The following ARMC9 variants were observed in gnomAD, a reference collection of about 807,000 sequenced individuals.
ARMC9 encodes armadillo repeat containing 9, also known as lisH domain-containing protein ARMC9.
In ARMC9, 94 loss-of-function variants were observed where a neutral mutation model predicts 107.0. The observed-to-expected ratio is 0.88, with a 90% CI of 0.74 to 1.04. The LOEUF is 1.04. ARMC9 is among the 50% of genes least tolerant of loss of function. ARMC9 has a pLI of 0.00. For missense variants in ARMC9, 942 were observed against 1,030.1 expected (o/e 0.91, Z 1.17); for synonymous variants, 380 against 396.9 (o/e 0.96, Z 0.51).
At chr2:231,246,229 A>C (rs1264210834) in intron 9 of ARMC9, among the ~76,000 whole-genome samples, 2 of 152,248 alleles carry the variant, frequency 1.3e-5, no homozygotes, top group East Asian at 3.8e-4. Flanking sequence ...TTTTAGGCTC[A>C]GCAGGTACAT....
chr2:231,220,583 C>T (rs1189921010), intron 5 of ARMC9, among the ~76,000 whole-genome samples: 10 of 133,378 alleles, frequency 7.5e-5, no homozygotes, highest in African/African-American at 1.4e-4. Context: ...GGCAACAGAG[C>T]GAGACTCCAT....
At position 231,362,751 on chromosome 2, in the gene ARMC9, A is replaced by G. The variant is rs534576961; in HGVS notation, c.2261+1868A>G. The G allele has an allele frequency of 6.5e-6, 1 of 153,264 alleles. No homozygotes were observed. Among genetic ancestry groups the G allele is most frequent in the South Asian group, 2.1e-4 (1 of 4,836 alleles). The allele number at this position is 153,264 out of a possible 1,614,324, so 9.5% of individuals were successfully genotyped here. A position where few individuals can be genotyped will look rare whatever the true frequency, so the allele number is the denominator to read the frequency against. On this transcript the variant is annotated intron_variant, in intron 23 of 24. Transcript: ENST00000611582. The surrounding 1 kb of genome is among the most constrained non-coding windows in gnomAD (Gnocchi z 4.7). ...TAGATGAGAGATATATATATACCTC[A>G]TATGTATATGGTATACCTCATCTAG...
At chr2:231,305,727 G>A (rs2042001049) in intron 19 of ARMC9, among the ~76,000 whole-genome samples, 2 of 152,136 alleles carry the variant, frequency 1.3e-5, no homozygotes, top group Admixed American at 6.5e-5. Context: ...AAAATTTTGG[G>A]TGGTGGGGGG....
chr2:231,324,261 G>A (rs1208284719), intron 19 of ARMC9, among the ~76,000 whole-genome samples: 3 of 149,762 alleles, frequency 2.0e-5, no homozygotes, highest in Non-Finnish European at 4.4e-5. Flanking sequence ...CTGAGTAGCT[G>A]GGACTACAGG....
chr2:231,217,213 G>A (rs988522063), intron 5 of ARMC9, among the ~76,000 whole-genome samples: 2 of 152,314 alleles, frequency 1.3e-5, no homozygotes, highest in Middle Eastern at 3.4e-3. Context: ...GAGAGGACAT[G>A]CTATGTGATT....
In ARMC9 at chr2:231,206,656, G is replaced by C. The variant is rs373271327; in HGVS notation, c.51+367G>C. ...GGGATGATACATTGTTCTGTAGCTTGCTTTTTATCTGCCAACAATAATATA... is the reference window on the plus strand; with the variant it reads ...GGGATGATACATTGTTCTGTAGCTTCCTTTTTATCTGCCAACAATAATATA... On this transcript the variant is annotated intron_variant, in intron 2 of 24. Transcript: ENST00000611582. Among the ~76,000 whole-genome samples the C allele has an allele frequency of 6.6e-5, 10 of 152,292 alleles. No individual in the cohort carries two copies. In the East Asian group the frequency reaches 1.9e-3, roughly 29 times the overall value.
Position 231,206,390 on chromosome 2 carries a change from A to G in ARMC9, c.51+101A>G, listed in dbSNP as rs143408362. On this transcript the variant is annotated intron_variant, in intron 2 of 24. Transcript: ENST00000611582. ...TTTAGTGCCTTGTAATGTTTCTTCT[A>G]TTGTTATGTTGGAGCTATTTTTCTA... 428 of 980,250 alleles carry G rather than the reference A, an allele frequency of 4.4e-4. 3 individuals are homozygous for G. The African/African-American group carries it at 6.3e-3, about 14-fold the overall frequency. 60.7% of individuals were successfully genotyped at this position (980,250 alleles called of 1,614,324 possible). A position where few individuals can be genotyped will look rare whatever the true frequency, so the allele number is the denominator to read the frequency against.
chr2:231,241,474 A>G (rs1426845830), intron 9 of ARMC9, among the ~76,000 whole-genome samples: 2 of 152,068 alleles, frequency 1.3e-5, no homozygotes, highest in Non-Finnish European at 2.9e-5. Context: ...GCGTGGGTGA[A>G]GCCCTGTGAA....
chr2:231,284,095 G>C (rs1415140063), intron 17 of ARMC9, among the ~76,000 whole-genome samples: 1 of 152,112 alleles, frequency 6.6e-6, no homozygotes, highest in Non-Finnish European at 1.5e-5. Flanking sequence ...ATGTGATAAT[G>C]GTCCAATAAG....
rs563104534 is a variant in ARMC9, at chr2:231,246,700, T to C, written c.879+6659T>C. On this transcript the variant is annotated intron_variant, in intron 9 of 24. Coordinates refer to ENST00000611582, the MANE Select transcript of ARMC9 (RefSeq NM_001352754.2). ...TGTGTCTTTTTGGTAGAACGATTTA[T>C]TTTCCTTTCAGTATAGAATTGCTGG... Among the ~76,000 whole-genome samples the C allele has an allele frequency of 3.9e-5, 6 of 152,330 alleles. 1 individual carries two copies. The East Asian group carries it at 9.6e-4, about 24-fold the overall frequency.
intron 19 of ARMC9, among the ~76,000 whole-genome samples, chr2:231,324,235 C>G (rs1326434498): frequency 2.2e-5 from 3 of 137,562 alleles, no homozygotes; most frequent in Non-Finnish European, 4.5e-5. Context: ...TCAAGCGATT[C>G]TTCTGCCTCA....
At chr2:231,367,650 A>G (rs1345213181) in intron 23 of ARMC9, among the ~76,000 whole-genome samples, 1 of 152,222 alleles carries the variant, frequency 6.6e-6, no homozygotes, top group Non-Finnish European at 1.5e-5. Flanking sequence ...TAAAAATGAT[A>G]AAGATGGTAA....
intron 14 of ARMC9, among the ~76,000 whole-genome samples, chr2:231,273,528 C>T (rs60596955): frequency 0.23 from 34,939 of 151,966 alleles, 4,129 homozygotes; most frequent in African/African-American, 0.26. Context: ...CAGCAGCCCA[C>T]CCCATGGGAT....
At chr2:231,220,949 T>A (rs950711101) in intron 5 of ARMC9, among the ~76,000 whole-genome samples, 1 of 152,258 alleles carries the variant, frequency 6.6e-6, no homozygotes, top group East Asian at 1.9e-4. Flanking sequence ...TTTTGAGACA[T>A]AGCAGTCCTT....
chr2:231,288,779 C>T, intron 17 of ARMC9: 1 of 467,500 alleles, frequency 2.1e-6, no homozygotes, highest in Non-Finnish European at 4.4e-6. Flanking sequence ...CGTGGTTTGA[C>T]TCCAGAGCCC....
intron 19 of ARMC9, among the ~76,000 whole-genome samples, chr2:231,307,140 T>G (rs2042077063): frequency 6.6e-6 from 1 of 152,202 alleles, no homozygotes; most frequent in East Asian, 1.9e-4. Flanking sequence ...AAAGACAGTT[T>G]GCTGCTCACA....
chr2:231,324,692 G>A (rs968327956), intron 19 of ARMC9, among the ~76,000 whole-genome samples: 33 of 151,658 alleles, frequency 2.2e-4, no homozygotes, highest in African/African-American at 7.5e-4. Context: ...TGTGGTGAGT[G>A]GAGATCACAC....
At chr2:231,246,213 C>T (rs544700374) in intron 9 of ARMC9, among the ~76,000 whole-genome samples, 7 of 152,268 alleles carry the variant, frequency 4.6e-5, no homozygotes, top group African/African-American at 1.7e-4. Flanking sequence ...ATTTATTTGG[C>T]TTTTATTTTA....
chr2:231,327,824 A>G (rs1186503128), intron 19 of ARMC9, among the ~76,000 whole-genome samples: 1 of 151,920 alleles, frequency 6.6e-6, no homozygotes, highest in East Asian at 1.9e-4. Context: ...TTGCTCTGTC[A>G]CCCAGGCTGG....
Sources: gnomAD v4.1 joint callset for allele counts (sites outside exome capture counted in the v4.1 genomes callset) on GRCh38, gnomAD v4.1.1 for gene constraint, Gnocchi (gnomAD v3.1) non-coding constraint, MANE v1.5 for transcripts, NCBI Gene and HGNC (gene_info 2026-07-23, HGNC 2026-07-21) for gene names.